Variants in SYNE2 observed in about 807,000 individuals in gnomAD.
The protein encoded by SYNE2 is spectrin repeat containing nuclear envelope protein 2.
A neutral mutation model predicts 856.3 loss-of-function variants in SYNE2; 431 were observed. The ratio of observed to expected loss-of-function variants is 0.50; its 90% CI spans 0.47 to 0.55. The LOEUF (loss-of-function observed/expected upper bound fraction) is 0.55, where lower values mean the gene tolerates loss of function less well. Among genes scored for constraint, SYNE2 ranks in the 20% least tolerant of loss-of-function variants. The pLI, the probability that SYNE2 is intolerant of heterozygous loss-of-function variation, is 0.00. For missense variants in SYNE2, 8,129 were observed against 8,023.2 expected, an observed-to-expected ratio of 1.01 and a Z score of -0.50; for synonymous variants, 2,923 against 2,872.3, an observed-to-expected ratio of 1.02 and a Z score of -0.56.
At chr14:64,109,094 C>T (rs142277623) in intron 65 of SYNE2, among the ~76,000 whole-genome samples, 5 of 151,894 alleles carry the variant, frequency 3.3e-5, no homozygotes, top group Non-Finnish European at 7.4e-5. Flanking sequence ...AGGCTGGTCT[C>T]GAACTCCTGG....
chr14:64,063,975 C>T (rs2097337827), intron 50 of SYNE2, among the ~76,000 whole-genome samples: 1 of 152,100 alleles, frequency 6.6e-6, no homozygotes, highest in Non-Finnish European at 1.5e-5. Flanking sequence ...CAGAGGTCAA[C>T]AACAATAACA....
In SYNE2 at chr14:64,167,394, A is replaced by C. The variant is rs777984262; in HGVS notation, c.16760+7A>C. 1 of 1,614,222 alleles carries C rather than the reference A, an allele frequency of 6.2e-7. No homozygotes were observed. Among genetic ancestry groups the C allele is most frequent in the South Asian group, 1.1e-5 (1 of 91,080 alleles). On this transcript the variant is annotated splice_region_variant and intron_variant, in intron 91 of 115. Transcript: ENST00000555002. ...CGGCACTGGAGCGCTGCAGGTTAGAACATCCCTTCTCTGTCGTTGTTTCAA... is the reference window on the plus strand; with the variant it reads ...CGGCACTGGAGCGCTGCAGGTTAGACCATCCCTTCTCTGTCGTTGTTTCAA...
In SYNE2 at chr14:64,170,272, A is replaced by G. The variant is rs1405077521; in HGVS notation, c.17045A>G (p.Gln5682Arg). ...TTCTCAAAGCTGACGGATCGGTGGC[A>G]GAATGCTGTCCAGGGTGTTCGGCAG... ...TEFSKLTDRW[Q>R]NAVQGVRQRK... The change falls in exon 94 of 116, where the codon CAG becomes CGG. Residue 5682 changes from glutamine (Q) to arginine (R), a missense_variant. Around this residue, in one of 3 missense-constraint regions of SYNE2, gnomAD observed 5,410 missense variants for 5,284.8 expected, o/e 1.02. Transcript: ENST00000555002. 1.2e-6 allele frequency: 2 copies of G among 1,614,046 alleles called. No homozygotes were observed. The highest frequency in any genetic ancestry group is 1.3e-5 in the African/African-American group (1 of 74,940).
At chr14:64,209,256 C>A in intron 101 of SYNE2, 172 bp from the exon 102 acceptor site, 1 of 1,134,730 alleles carries the variant, frequency 8.8e-7, no homozygotes, top group Non-Finnish European at 1.3e-6. Context: ...CTCTGAGCTG[C>A]TTGGCGCTCC....
At chr14:63,840,404 TTCC>T (rs1890015315) in intron 1 of SYNE2, among the ~76,000 whole-genome samples, 2 of 79,136 alleles carry the variant, frequency 2.5e-5, no homozygotes, top group South Asian at 5.1e-4. Context: ...TTTCCTTTCC[TTCC>T]TTCCTTCCTT....
At chr14:64,174,703 T>C (rs2098425823) in intron 94 of SYNE2, among the ~76,000 whole-genome samples, 1 of 152,242 alleles carries the variant, frequency 6.6e-6, no homozygotes, top group Admixed American at 6.5e-5. Context: ...ACACTGAGAA[T>C]CTTATCTCAC....
intron 95 of SYNE2, among the ~76,000 whole-genome samples, 170 bp downstream of exon 95, chr14:64,175,308 C>T (rs575949876): frequency 1.3e-5 from 2 of 152,292 alleles, no homozygotes; most frequent in South Asian, 2.1e-4. Context: ...GATGATATAG[C>T]ATTGCAAGAG....
At chr14:64,106,173 G>T (rs72720342) in intron 64 of SYNE2, among the ~76,000 whole-genome samples, 5 of 141,272 alleles carry the variant, frequency 3.5e-5, no homozygotes, top group Non-Finnish European at 7.5e-5. Flanking sequence ...TTTTGATATT[G>T]TCAGTCTTAG....
At chr14:63,843,125 C>G (rs188870743) in intron 1 of SYNE2, among the ~76,000 whole-genome samples, 2 of 152,158 alleles carry the variant, frequency 1.3e-5, no homozygotes, top group African/African-American at 2.4e-5. Context: ...CAACCTCTAC[C>G]TCCCAGGCTC....
At chr14:63,798,597 T>C (rs1888012588) in intron 1 of SYNE2, among the ~76,000 whole-genome samples, 1 of 152,042 alleles carries the variant, frequency 6.6e-6, no homozygotes, top group Non-Finnish European at 1.5e-5. Flanking sequence ...TTTCACCATG[T>C]TGGCCAGCCT....
intron 1 of SYNE2, among the ~76,000 whole-genome samples, chr14:63,875,693 A>G (rs2094699435): frequency 6.6e-6 from 1 of 152,224 alleles, no homozygotes; most frequent in African/African-American, 2.4e-5. Context: ...TCAGCCAGTC[A>G]TGGGGGGAAA....
chr14:64,071,655 T>C (rs1361398609), intron 52 of SYNE2, among the ~76,000 whole-genome samples: 1 of 152,378 alleles, frequency 6.6e-6, no homozygotes, highest in East Asian at 1.9e-4. Flanking sequence ...TACTGTTTTG[T>C]ATTCTGCTGA....
At chr14:63,992,590 C>T (rs1441401766) in intron 21 of SYNE2, among the ~76,000 whole-genome samples, 2 of 152,156 alleles carry the variant, frequency 1.3e-5, no homozygotes, top group African/African-American at 2.4e-5. Context: ...TTCTTGGCTC[C>T]TTTACCAGAG....
chr14:63,872,173 G>A (rs535552353), intron 1 of SYNE2, among the ~76,000 whole-genome samples: 2 of 152,156 alleles, frequency 1.3e-5, no homozygotes, highest in Non-Finnish European at 2.9e-5. Context: ...GCTCATGCCC[G>A]TAATCCAAGC....
intron 11 of SYNE2, among the ~76,000 whole-genome samples, chr14:63,974,229 T>A (rs1348726860): frequency 1.3e-5 from 2 of 152,178 alleles, no homozygotes; most frequent in East Asian, 3.8e-4. Context: ...CATATGAGTA[T>A]CAAATAAATG....
intron 1 of SYNE2, among the ~76,000 whole-genome samples, chr14:63,824,867 C>T (rs542127104): frequency 6.6e-6 from 1 of 152,076 alleles, no homozygotes; most frequent in South Asian, 2.1e-4. Flanking sequence ...TGGGCGCAGA[C>T]TCACACTTGT....
At chr14:64,163,679 T>C in intron 89 of SYNE2, 98 bp downstream of exon 89, 2 of 1,423,732 alleles carry the variant, frequency 1.4e-6, no homozygotes, top group Admixed American at 1.9e-5. Flanking sequence ...TACGGGCTGC[T>C]CCTTAGCAAA....
At chr14:63,838,599 C>T (rs1291106977) in intron 1 of SYNE2, among the ~76,000 whole-genome samples, 1 of 152,056 alleles carries the variant, frequency 6.6e-6, no homozygotes, top group East Asian at 1.9e-4. Flanking sequence ...ACTGCAGCCT[C>T]TAATTCCTTG....
intron 61 of SYNE2, among the ~76,000 whole-genome samples, chr14:64,097,326 G>A (rs548846873): frequency 3.3e-4 from 49 of 149,208 alleles, no homozygotes; most frequent in South Asian, 6.3e-4. Flanking sequence ...GAGCAGGATA[G>A]ACTCTGCTTA....
Sources: gnomAD v4.1 joint callset for allele counts (sites outside exome capture counted in the v4.1 genomes callset) on GRCh38, gnomAD v4.1.1 for gene constraint, gnomAD v4.1.1 regional missense constraint, MANE v1.5 for transcripts, NCBI Gene and HGNC (gene_info 2026-07-23, HGNC 2026-07-21) for gene names.